SCRG1: variants seen among roughly 807,000 people sequenced by gnomAD.
The protein encoded by SCRG1 is stimulator of chondrogenesis 1, also known as scrapie-responsive protein 1.
In SCRG1, 3 loss-of-function variants were observed where a neutral mutation model predicts 7.7. The ratio of observed to expected loss-of-function variants is 0.39; its 90% confidence interval spans 0.18 to 1.01. The LOEUF is 1.01. SCRG1 is among the 50% of genes least tolerant of loss of function. SCRG1 has a pLI of 0.36. For synonymous variants in SCRG1, 46 were observed against 41.2 expected, an observed-to-expected ratio of 1.12 and a Z score of -0.44; for missense variants, 110 against 117.2, an observed-to-expected ratio of 0.94 and a Z score of 0.28.
chr4:173,446,800 A>C, the SCRG1 span: 4 of 152,240 alleles, frequency 2.6e-5, no homozygotes, highest in Non-Finnish European at 5.9e-5. Context: ...TAGATGGATA[A>C]GAACTTTTGT....
At chr4:173,402,627 G>A (rs112412397), upstream of SCRG1, among the ~76,000 whole-genome samples, 675 of 152,192 alleles carry the variant, frequency 4.4e-3, 5 homozygotes, top group African/African-American at 0.015. Context: ...TTCTTCCTCT[G>A]ATGTCCACCT....
the SCRG1 span, among the ~76,000 whole-genome samples, chr4:173,423,660 T>G: frequency 4.3e-5 from 2 of 47,012 alleles, no homozygotes; most frequent in South Asian, 1.3e-3. Flanking sequence ...TTTTATCTCT[T>G]TTTTTTTAAT....
chr4:173,440,218 C>T, the SCRG1 span, among the ~76,000 whole-genome samples: 5 of 152,164 alleles, frequency 3.3e-5, no homozygotes, highest in African/African-American at 1.2e-4. Flanking sequence ...AACTTTTGCT[C>T]TCTACAGAAT....
At chr4:173,462,564 T>C in the SCRG1 span, among the ~76,000 whole-genome samples, 2 of 151,810 alleles carry the variant, frequency 1.3e-5, no homozygotes, top group Admixed American at 6.6e-5. Context: ...CTAAAGGGAG[T>C]ACCTCAATCA....
chr4:173,443,168 A>G, the SCRG1 span, among the ~76,000 whole-genome samples: 1 of 152,206 alleles, frequency 6.6e-6, no homozygotes, highest in Non-Finnish European at 1.5e-5. Context: ...ACCTTCTACC[A>G]TGAATGCTTT....
the SCRG1 span, among the ~76,000 whole-genome samples, chr4:173,438,560 G>A: frequency 6.6e-6 from 1 of 151,888 alleles, no homozygotes; most frequent in Admixed American, 6.6e-5. Context: ...TGAACTCTGA[G>A]CAACATATTG....
the SCRG1 span, among the ~76,000 whole-genome samples, chr4:173,414,891 C>T: frequency 2.3e-3 from 352 of 152,282 alleles, no homozygotes; most frequent in Non-Finnish European, 4.1e-3. Context: ...GTGGGCACTG[C>T]GTGCTTGCTT....
the SCRG1 span, among the ~76,000 whole-genome samples, chr4:173,471,496 T>A: frequency 1.3e-5 from 2 of 152,154 alleles, no homozygotes; most frequent in Non-Finnish European, 1.5e-5. Context: ...ACCAACCTCG[T>A]CCATCCTGCT....
At chr4:173,432,966 G>A in the SCRG1 span, among the ~76,000 whole-genome samples, 1 of 152,134 alleles carries the variant, frequency 6.6e-6, no homozygotes, top group Admixed American at 6.5e-5. Context: ...TTCTCTAATG[G>A]TGTGGTAAAG....
At chr4:173,515,911 G>T in the SCRG1 span, among the ~76,000 whole-genome samples, 2 of 152,158 alleles carry the variant, frequency 1.3e-5, no homozygotes, top group African/African-American at 4.8e-5. The surrounding 1 kb of genome is among the most constrained non-coding windows in gnomAD (Gnocchi z 4.6). Context: ...GGGCCTCAAT[G>T]CCTGAACTTG....
chr4:173,436,101 ACTC>A, the SCRG1 span, among the ~76,000 whole-genome samples: 6 of 148,734 alleles, frequency 4.0e-5, no homozygotes, highest in African/African-American at 1.5e-4. Context: ...GATGAAAAAA[ACTC>A]CTCGTTTTCT....
intron 2 of SCRG1, among the ~76,000 whole-genome samples, chr4:173,390,810 A>T (rs1739414320): frequency 6.6e-6 from 1 of 151,992 alleles, no homozygotes; most frequent in Non-Finnish European, 1.5e-5. Flanking sequence ...TTTTATCTAA[A>T]ACCTTTTACT....
the SCRG1 span, among the ~76,000 whole-genome samples, chr4:173,479,617 T>G: frequency 6.6e-6 from 1 of 151,568 alleles, no homozygotes; most frequent in Non-Finnish European, 1.5e-5. Context: ...ATTTTTGTAT[T>G]TTTAGTAGAG....
the SCRG1 span, among the ~76,000 whole-genome samples, chr4:173,474,361 T>A: frequency 6.6e-6 from 1 of 152,210 alleles, no homozygotes; most frequent in South Asian, 2.1e-4. Flanking sequence ...ATGTAATTAG[T>A]GACCACTTTT....
chr4:173,511,092 G>A, the SCRG1 span, among the ~76,000 whole-genome samples: 1 of 152,076 alleles, frequency 6.6e-6, no homozygotes, highest in Non-Finnish European at 1.5e-5. The surrounding 1 kb of genome is among the most constrained non-coding windows in gnomAD (Gnocchi z 5.2). Context: ...TCAGCCTCTG[G>A]AGTAGCTGGG....
At chr4:173,443,404 T>G in the SCRG1 span, among the ~76,000 whole-genome samples, 1 of 152,254 alleles carries the variant, frequency 6.6e-6, no homozygotes, top group Admixed American at 6.5e-5. Context: ...ACTGTAATAG[T>G]GTCCATGAAC....
chr4:173,421,559 C>G, the SCRG1 span, among the ~76,000 whole-genome samples: 1 of 152,152 alleles, frequency 6.6e-6, no homozygotes, highest in African/African-American at 2.4e-5. Flanking sequence ...GGATGGAGAG[C>G]TAGGACGAGG....
chr4:173,394,370 C>T (rs1241038692), intron 1 of SCRG1, among the ~76,000 whole-genome samples: 13 of 151,972 alleles, frequency 8.6e-5, no homozygotes, highest in Admixed American at 7.2e-4. Flanking sequence ...ATTGGCCAGG[C>T]GCAGTGGCTC....
chr4:173,492,402 C>T, the SCRG1 span, among the ~76,000 whole-genome samples: 1 of 152,062 alleles, frequency 6.6e-6, no homozygotes, highest in African/African-American at 2.4e-5. Context: ...ATTCCCCCAC[C>T]CCAAAACTAC....
Sources: gnomAD v4.1 joint callset for allele counts (sites outside exome capture counted in the v4.1 genomes callset) on GRCh38, gnomAD v4.1.1 for gene constraint, Gnocchi (gnomAD v3.1) non-coding constraint, MANE v1.5 for transcripts, NCBI Gene and HGNC (gene_info 2026-07-23, HGNC 2026-07-21) for gene names.